Variants in KHDRBS3 observed in about 807,000 individuals in gnomAD.
The protein encoded by KHDRBS3 is KH RNA binding domain containing, signal transduction associated 3.
A neutral mutation model predicts 45.6 loss-of-function variants in KHDRBS3; 23 were observed. That is an observed-to-expected ratio of 0.50 (90% CI 0.36 to 0.72). KHDRBS3 has a LOEUF of 0.72. Among genes scored for constraint, KHDRBS3 ranks in the 30% least tolerant of loss-of-function variants. The probability of loss-of-function intolerance (pLI) is 0.00; values close to 1 mark genes in which losing one functional copy is unlikely to be tolerated. For synonymous variants in KHDRBS3, 162 were observed against 156.5 expected (o/e 1.04, Z -0.26); for missense variants, 352 against 424.8 (o/e 0.83, Z 1.51).
chr8:135,522,027 G>A (rs1824938051), intron 2 of KHDRBS3, among the ~76,000 whole-genome samples: 1 of 152,068 alleles, frequency 6.6e-6, no homozygotes, highest in Non-Finnish European at 1.5e-5. Flanking sequence ...GTAAATGTGT[G>A]CCATGGTGGT....
intron 7 of KHDRBS3, among the ~76,000 whole-genome samples, chr8:135,635,037 C>T (rs956005986): frequency 3.4e-4 from 52 of 152,104 alleles, no homozygotes; most frequent in African/African-American, 1.2e-3. Flanking sequence ...AAAAAAATTA[C>T]TGAGAGCCAC....
At position 135,480,476 on chromosome 8, in the gene KHDRBS3, C is replaced by T. The variant is rs1586579499; in HGVS notation, c.88+22522C>T. 2.0e-5 allele frequency among the ~76,000 whole-genome samples: 3 copies of T among 152,128 alleles called. No homozygotes were observed. The East Asian group carries it at 5.8e-4, about 29-fold the overall frequency. ...TTAAATTCAAAATGGAATATTTCTT[C>T]TGATAATAAATGTAGTATATACTTT... is the stretch of plus-strand genomic sequence containing the variant. On this transcript the variant is annotated intron_variant, in intron 1 of 8. Coordinates refer to ENST00000355849, the MANE Select transcript of KHDRBS3 (RefSeq NM_006558.3).
chr8:135,463,677 G>A (rs1251047351), intron 1 of KHDRBS3, among the ~76,000 whole-genome samples: 1 of 152,112 alleles, frequency 6.6e-6, no homozygotes, highest in Non-Finnish European at 1.5e-5. Flanking sequence ...GCCAAATAAG[G>A]TTTCTTACCT....
At chr8:135,458,617 C>T in intron 1 of KHDRBS3, 1 of 336,422 alleles carries the variant, frequency 3.0e-6, no homozygotes, top group Non-Finnish European at 5.8e-6. Context: ...CCATGCCAAG[C>T]CTTGCAGGCT....
At chr8:135,555,897 C>T (rs1433393144) in intron 4 of KHDRBS3, among the ~76,000 whole-genome samples, 3 of 152,172 alleles carry the variant, frequency 2.0e-5, no homozygotes, top group Non-Finnish European at 4.4e-5. Flanking sequence ...CCCCCCATCC[C>T]TCGACAGGAG....
chr8:135,469,308 G>A (rs1249385448), intron 1 of KHDRBS3, among the ~76,000 whole-genome samples: 5 of 151,982 alleles, frequency 3.3e-5, no homozygotes, highest in African/African-American at 1.2e-4. Flanking sequence ...TTTTTGAGAC[G>A]GAGTCTCGCT....
At chr8:135,654,615 CG>C (rs1343104359) in intron 4 of KHDRBS3, among the ~76,000 whole-genome samples, 1 of 152,218 alleles carries the variant, frequency 6.6e-6, no homozygotes, top group African/African-American at 2.4e-5. Context: ...CCTGGACACT[CG>C]TCTGTGTCTT....
chr8:135,541,043 G>A (rs11166600), intron 2 of KHDRBS3: 121,798 of 152,178 alleles, frequency 0.8, 49,262 homozygotes, highest in East Asian at 0.96. Flanking sequence ...TCCACAAAGT[G>A]TAACAAAACA....
chr8:135,554,909 A>G (rs1205309491), intron 4 of KHDRBS3, among the ~76,000 whole-genome samples: 1 of 152,054 alleles, frequency 6.6e-6, no homozygotes, highest in African/African-American at 2.4e-5. Context: ...GAATATGCTC[A>G]TGTTTCTTCT....
intron 7 of KHDRBS3, among the ~76,000 whole-genome samples, chr8:135,621,150 GA>G (rs1163610734): frequency 1.3e-4 from 18 of 142,918 alleles, no homozygotes; most frequent in Middle Eastern, 3.6e-3. Flanking sequence ...GGGAGGATGG[GA>G]GGGTGCCAAG....
chr8:135,555,777 A>G (rs960775913), intron 4 of KHDRBS3, among the ~76,000 whole-genome samples: 3 of 152,290 alleles, frequency 2.0e-5, no homozygotes, highest in African/African-American at 7.2e-5. Context: ...TCTGGGTTAC[A>G]TGTGCAGAAC....
chr8:135,511,381 C>T (rs778474853), intron 1 of KHDRBS3, among the ~76,000 whole-genome samples: 1 of 152,152 alleles, frequency 6.6e-6, no homozygotes, highest in Non-Finnish European at 1.5e-5. Flanking sequence ...TAATTAATTT[C>T]TCCTTCTCTC....
At chr8:135,506,480 T>A (rs1342288533) in intron 1 of KHDRBS3, among the ~76,000 whole-genome samples, 1 of 151,330 alleles carries the variant, frequency 6.6e-6, no homozygotes, top group Non-Finnish European at 1.5e-5. Flanking sequence ...CTCGGCTCAC[T>A]GCAAACCCTG....
intron 1 of KHDRBS3, among the ~76,000 whole-genome samples, chr8:135,471,826 G>C (rs1174613474): frequency 6.6e-6 from 1 of 152,228 alleles, no homozygotes; most frequent in African/African-American, 2.4e-5. Context: ...CTGTGTGCCA[G>C]CTACTAGTGT....
chr8:135,458,025 G>T (rs1821205858), intron 1 of KHDRBS3, 71 bp downstream of exon 1: 2 of 1,476,444 alleles, frequency 1.4e-6, no homozygotes, highest in Middle Eastern at 2.0e-4. Context: ...GGCCCAGGGG[G>T]CCCCTCCGTG....
intron 1 of KHDRBS3, among the ~76,000 whole-genome samples, chr8:135,469,982 T>C (rs563174126): frequency 1.6e-4 from 24 of 152,352 alleles, no homozygotes; most frequent in African/African-American, 5.8e-4. Context: ...GACTCTAAAA[T>C]AAATTAGGCT....
At chr8:135,570,770 A>C (rs1827663942) in intron 5 of KHDRBS3, among the ~76,000 whole-genome samples, 2 of 152,048 alleles carry the variant, frequency 1.3e-5, no homozygotes, top group African/African-American at 2.4e-5. Flanking sequence ...CTCAGGCAGA[A>C]AACTGGACGA....
intron 1 of KHDRBS3, among the ~76,000 whole-genome samples, chr8:135,496,482 C>G (rs2130467449): frequency 6.6e-6 from 1 of 152,226 alleles, no homozygotes; most frequent in Admixed American, 6.5e-5. Flanking sequence ...ACCCTCCCGC[C>G]TTGGCCTCCC....
rs370404224 is a variant in KHDRBS3 at position 135,486,037 on chromosome 8, C to T, written c.88+28083C>T. ...GGCACAGAGCAGCATGCCAGAGACT[C>T]CATTTGGGTTCCCAGTCAGCTTTCT... On this transcript the variant is annotated intron_variant, in intron 1 of 8. Transcript: ENST00000355849. Among the ~76,000 whole-genome samples the T allele has an allele frequency of 2.0e-4, 30 of 151,960 alleles. 1 individual carries two copies. The East Asian group carries it at 3.7e-3, about 19-fold the overall frequency.
Sources: allele counts gnomAD v4.1 joint callset (sites outside exome capture counted in the v4.1 genomes callset), GRCh38; gene constraint gnomAD v4.1.1; transcripts MANE v1.5; gene names NCBI Gene and HGNC (gene_info 2026-07-23, HGNC 2026-07-21).